Variants in IFI44 observed in about 807,000 individuals in gnomAD.
IFI44 encodes the protein interferon induced protein 44.
Under a neutral mutation model 45.0 loss-of-function variants are expected in IFI44, and 42 were observed. The ratio of observed to expected loss-of-function variants is 0.93; its 90% CI spans 0.73 to 1.21. IFI44 has a LOEUF of 1.21. IFI44 is among the 50% of genes most tolerant of loss of function. IFI44 has a pLI of 0.00. For synonymous variants in IFI44, 221 were observed against 188.6 expected (o/e 1.17, Z -1.41); for missense variants, 623 against 525.8 (o/e 1.18, Z -1.81).
intron 2 of IFI44, 83 bp from the exon 3 acceptor site, chr1:78,654,160 G>C: frequency 1.2e-6 from 1 of 806,392 alleles, no homozygotes; most frequent in Non-Finnish European, 2.2e-6. Flanking sequence ...TTTGTCCCTA[G>C]TGAATTCACT....
Position 78,650,615 on chromosome 1 carries a change from T to A in IFI44, c.420T>A (p.Thr140=), listed in dbSNP as rs371213835. The stretch of plus-strand genomic sequence containing the variant: ...ATCTTGGACTTGCTCAAAATTGTAC[T>A]ATCTCTATTCAGGATTATGAAGTTT... The part of the protein sequence containing the change: ...MENLGLAQNC[T]ISIQDYEVFR... Residue 140 remains threonine, a synonymous_variant, in exon 2 of 9, where the codon ACT becomes ACA. Transcript: ENST00000370747. The A allele has an allele frequency of 2.6e-5, 41 of 1,607,486 alleles. No individual in the cohort carries two copies. In the African/African-American group the frequency reaches 5.0e-4, roughly 19 times the overall value.
At chr1:78,659,220 T>C (rs1647313398) in intron 5 of IFI44, 92 bp from the exon 6 acceptor site, 1 of 1,023,400 alleles carries the variant, frequency 9.8e-7, no homozygotes, top group Non-Finnish European at 1.5e-6. Flanking sequence ...CTGTTTTGTT[T>C]ACCATTTGAT....
intron 6 of IFI44, 136 bp downstream of exon 6, chr1:78,659,619 T>C (rs531053373): frequency 2.3e-5 from 14 of 615,556 alleles, no homozygotes; most frequent in Admixed American, 6.4e-5. Flanking sequence ...ACCAGGATGC[T>C]TCAATGAAAT....
intron 4 of IFI44, 59 bp from the exon 5 acceptor site, chr1:78,655,303 C>A (rs945295215): frequency 6.4e-7 from 1 of 1,558,268 alleles, no homozygotes; most frequent in Non-Finnish European, 8.7e-7. Flanking sequence ...TACATATAGA[C>A]TTCATCTCAA....
intron 3 of IFI44, among the ~76,000 whole-genome samples, chr1:78,654,756 T>C (rs899725042): frequency 2.0e-5 from 3 of 152,034 alleles, no homozygotes; most frequent in African/African-American, 7.2e-5. Context: ...TTAAAACAGC[T>C]ATTACTTATC....
intron 7 of IFI44, among the ~76,000 whole-genome samples, chr1:78,661,131 C>T (rs868868008): frequency 1.3e-5 from 2 of 151,938 alleles, no homozygotes; most frequent in Non-Finnish European, 2.9e-5. Flanking sequence ...GGCATGATTT[C>T]GGCTCACTGC....
At chr1:78,655,674 C>T (rs1017516636) in intron 5 of IFI44, among the ~76,000 whole-genome samples, 163 bp downstream of exon 5, 1 of 152,066 alleles carries the variant, frequency 6.6e-6, no homozygotes, top group Non-Finnish European at 1.5e-5. Context: ...GCTCTTCCAT[C>T]ATGGCTATCT....
Position 78,653,894 on chromosome 1 carries a change from T to A in IFI44, c.458-349T>A, listed in dbSNP as rs533222011. 1.1e-3 allele frequency among the ~76,000 whole-genome samples: 173 copies of A among 152,348 alleles called. 2 individuals carry two copies. Among genetic ancestry groups the A allele is most frequent in the African/African-American group, 3.9e-3 (162 of 41,586 alleles). ...GACATTCCCACATTTCCACATTAGA[T>A]ATTCCCACATCTCTAGGCCTTGCTT... On this transcript the variant is annotated intron_variant, in intron 2 of 8. Coordinates refer to ENST00000370747, the MANE Select transcript of IFI44 (RefSeq NM_006417.5).
Position 78,659,417 on chromosome 1 carries a change from A to G in IFI44, c.946A>G (p.Ile316Val). 6.2e-7 allele frequency: 1 copy of G among 1,613,544 alleles called. No individual in the cohort carries two copies. Among genetic ancestry groups the G allele is most frequent in the Non-Finnish European group, 8.5e-7 (1 of 1,179,592 alleles). ...GGCATTTGTATTTGATGCCAGCTCT[A>G]TTCAATACTTCTCCTCTCAGATGAT... ...CVAFVFDASS[I>V]QYFSSQMIVK... The change falls in exon 6 of 9, where the codon ATT (isoleucine) becomes GTT (valine). Residue 316 changes from isoleucine to valine, a missense_variant. Physicochemically the swap from Ile to Val is conservative, Grantham distance 29. Coordinates refer to ENST00000370747, the MANE Select transcript of IFI44 (RefSeq NM_006417.5).
rs1397518419 is a variant in IFI44, at chr1:78,650,209, C to G, written c.14C>G (p.Thr5Ser). The change falls in exon 2 of 9, where the codon ACT (threonine) becomes AGT (serine). Residue 5 changes from threonine to serine, a missense_variant. By Grantham distance (58) the Thr-to-Ser change is moderately conservative (BLOSUM62 1). Coordinates refer to ENST00000370747, the MANE Select transcript of IFI44 (RefSeq NM_006417.5). Reference sequence around the variant, plus strand: ...AGATCAAGAAGTATGGCAGTGACAACTCGTTTGACATGGTTGCACGAAAAG... The same window carrying G: ...AGATCAAGAAGTATGGCAGTGACAAGTCGTTTGACATGGTTGCACGAAAAG... MAVT[T>S]RLTWLHEKIL... 3 of 1,600,126 alleles carry G rather than the reference C, an allele frequency of 1.9e-6. No homozygotes were observed. The Admixed American group carries it at 5.0e-5, about 27-fold the overall frequency.
intron 5 of IFI44, 121 bp from the exon 6 acceptor site, chr1:78,659,191 C>T: frequency 1.3e-6 from 1 of 744,434 alleles, no homozygotes; most frequent in Non-Finnish European, 2.2e-6. Flanking sequence ...TTGTTAGCCT[C>T]ATACTATTAG....
intron 5 of IFI44, among the ~76,000 whole-genome samples, chr1:78,657,583 T>A (rs1647247842): frequency 6.6e-6 from 1 of 152,106 alleles, no homozygotes; most frequent in African/African-American, 2.4e-5. Flanking sequence ...AGTGTGAAAA[T>A]AGTGACATTC....
At chr1:78,662,058 C>T (rs953940407) in intron 7 of IFI44, among the ~76,000 whole-genome samples, 1 of 152,114 alleles carries the variant, frequency 6.6e-6, no homozygotes, top group African/African-American at 2.4e-5. Context: ...AAGTTATGAT[C>T]TTCAGAAAAA....
At position 78,661,912 on chromosome 1, in the gene IFI44, G is replaced by T. The variant is rs78075756; in HGVS notation, c.1114-792G>T. Among the ~76,000 whole-genome samples the T allele has an allele frequency of 7.3e-4, 111 of 152,314 alleles. 5 individuals carry two copies. In the East Asian group the frequency reaches 0.019, roughly 26 times the overall value. Reference sequence around the variant, plus strand: ...TTTGGGAAATGTGGAGTTCAGGTTAGTGAAGGGCTGGATCTTTGTAGGCAG... The same window carrying T: ...TTTGGGAAATGTGGAGTTCAGGTTATTGAAGGGCTGGATCTTTGTAGGCAG... On this transcript the variant is annotated intron_variant, in intron 7 of 8. Coordinates refer to ENST00000370747, the MANE Select transcript of IFI44 (RefSeq NM_006417.5).
At chr1:78,659,718 G>A (rs1171068765) in intron 6 of IFI44, among the ~76,000 whole-genome samples, 1 of 152,110 alleles carries the variant, frequency 6.6e-6, no homozygotes, top group Non-Finnish European at 1.5e-5. Context: ...TATAATAATA[G>A]TACCTCTTAG....
chr1:78,657,472 T>C (rs1247201895), intron 5 of IFI44, among the ~76,000 whole-genome samples: 4 of 152,146 alleles, frequency 2.6e-5, no homozygotes, highest in African/African-American at 7.2e-5. Flanking sequence ...ACTTCATAGA[T>C]TGTGTTGTAT....
At chr1:78,652,329 C>T (rs1045780501) in intron 2 of IFI44, among the ~76,000 whole-genome samples, 9 of 152,178 alleles carry the variant, frequency 5.9e-5, no homozygotes, top group African/African-American at 1.9e-4. Flanking sequence ...AATCCGCTTG[C>T]CTTGGCCTCC....
In IFI44 at chr1:78,659,451, T is replaced by A. The variant is rs543088224; in HGVS notation, c.980T>A (p.Ile327Asn). Residue 327 changes from isoleucine to asparagine, a missense_variant, in exon 6 of 9, where the codon ATC (isoleucine) becomes AAC (asparagine). Coordinates refer to ENST00000370747, the MANE Select transcript of IFI44 (RefSeq NM_006417.5). ...TTCTCCTCTCAGATGATAGTAAAGA[T>A]CAAAAGAATTCGAAGGGAGTTGGTA... ...QYFSSQMIVK[I>N]KRIRRELVNA... The A allele has an allele frequency of 6.2e-7, 1 of 1,613,114 alleles. No individual in the cohort carries two copies. Among genetic ancestry groups the A allele is most frequent in the African/African-American group, 1.3e-5 (1 of 75,018 alleles).
At chr1:78,651,610 T>A (rs1438921127) in intron 2 of IFI44, among the ~76,000 whole-genome samples, 1 of 152,204 alleles carries the variant, frequency 6.6e-6, no homozygotes, top group Non-Finnish European at 1.5e-5. Context: ...GTATTGTTGC[T>A]GTAGGTACTA....
Sources: allele counts gnomAD v4.1 joint callset (sites outside exome capture counted in the v4.1 genomes callset), GRCh38; gene constraint gnomAD v4.1.1; transcripts MANE v1.5; gene names NCBI Gene and HGNC (gene_info 2026-07-23, HGNC 2026-07-21).